SNX8: variants seen among roughly 807,000 people sequenced by gnomAD.
The protein encoded by SNX8 is sorting nexin-8.
In SNX8, 25 loss-of-function variants were observed where a neutral mutation model predicts 51.6. The observed-to-expected ratio is 0.48, with a 90% CI of 0.35 to 0.68. The LOEUF is 0.68. SNX8 is among the 30% of genes least tolerant of loss of function. The pLI is 0.00. For synonymous variants in SNX8, 324 were observed against 277.0 expected, an observed-to-expected ratio of 1.17 and a Z score of -1.68; for missense variants, 695 against 624.0, an observed-to-expected ratio of 1.11 and a Z score of -1.21.
At chr7:2,266,977 G>A (rs549564905) in intron 5 of SNX8, among the ~76,000 whole-genome samples, 4 of 152,336 alleles carry the variant, frequency 2.6e-5, no homozygotes, top group East Asian at 3.9e-4. Context: ...ACAAGCATCC[G>A]TCTGTCTGAG....
At chr7:2,322,648 C>T (rs1242999084) in intron 1 of SNX8, among the ~76,000 whole-genome samples, 1 of 151,516 alleles carries the variant, frequency 6.6e-6, no homozygotes, top group African/African-American at 2.4e-5. Flanking sequence ...GAGCCATAAT[C>T]GCGCCACTGC....
intron 9 of SNX8, 72 bp from the exon 10 acceptor site, chr7:2,257,095 G>GTGCT: frequency 6.7e-7 from 1 of 1,483,572 alleles, no homozygotes; most frequent in Non-Finnish European, 9.0e-7. Context: ...GAACACCAGC[G>GTGCT]TGCTCCCTGA....
At chr7:2,318,377 C>A (rs1198929105), upstream of SNX8, among the ~76,000 whole-genome samples, 1 of 151,680 alleles carries the variant, frequency 6.6e-6, no homozygotes, top group Non-Finnish European at 1.5e-5. Context: ...ATGAGGAAAC[C>A]ACTACAGTCT....
At chr7:2,290,639 G>T (rs1205335723) in intron 1 of SNX8, among the ~76,000 whole-genome samples, 1 of 152,136 alleles carries the variant, frequency 6.6e-6, no homozygotes, top group African/African-American at 2.4e-5. Flanking sequence ...GGGCCAGGAG[G>T]GTGGCCGAGG....
intron 4 of SNX8, 59 bp downstream of exon 4, chr7:2,271,791 G>T: frequency 6.5e-7 from 1 of 1,542,746 alleles, no homozygotes. Flanking sequence ...AGGAAAAGGC[G>T]GGTCCGGAGG....
chr7:2,327,722 T>C (rs1778650815), intron 1 of SNX8, among the ~76,000 whole-genome samples: 1 of 151,166 alleles, frequency 6.6e-6, no homozygotes, highest in Non-Finnish European at 1.5e-5. Context: ...TTTTGTATTT[T>C]AAGTAGAGAC....
intron 1 of SNX8, among the ~76,000 whole-genome samples, chr7:2,328,872 T>A (rs1778676237): frequency 6.6e-6 from 1 of 151,812 alleles, no homozygotes; most frequent in South Asian, 2.1e-4. Context: ...GATCACAAGG[T>A]CAGGAGATCG....
In SNX8 at chr7:2,269,603, C is replaced by G. The variant is rs191842340; in HGVS notation, c.577G>C (p.Val193Leu). 1.9e-6 allele frequency: 3 copies of G among 1,601,880 alleles called. No individual in the cohort carries two copies. The highest frequency in any genetic ancestry group is 1.7e-6 in the Non-Finnish European group (2 of 1,174,488). The change falls in exon 5 of 11, where the codon GTC becomes CTC. Residue 193 changes from valine to leucine, a missense_variant. Val to Leu is a conservative substitution (Grantham distance 32). Transcript: ENST00000222990. ...QNKLKESAQC[V>L]GDEFLNCKLA... ...TTACAGTTCAGGAATTCGTCCCCGA[C>G]GCACTGTGCTGACTCCTTTAACTTG...
In SNX8 at chr7:2,254,138, C is replaced by G. The variant is rs909398316; in HGVS notation, c.*918G>C. The G allele has an allele frequency of 5.2e-5, 8 of 152,580 alleles. No homozygotes were observed. Among genetic ancestry groups the G allele is most frequent in the African/African-American group, 1.9e-4 (8 of 41,560 alleles). 9.5% of individuals were successfully genotyped at this position (152,580 alleles called of 1,614,324 possible). ...GGTGGCTGGGCCGGCAAGTGCGTGACGGGAGGCTGGGAGGAGGGCTCTAGG... is the reference window on the plus strand; with the variant it reads ...GGTGGCTGGGCCGGCAAGTGCGTGAGGGGAGGCTGGGAGGAGGGCTCTAGG... On this transcript the variant is annotated 3_prime_UTR_variant, in exon 11 of 11. Coordinates refer to ENST00000222990, the MANE Select transcript of SNX8 (RefSeq NM_013321.4).
chr7:2,278,139 G>C lies in SNX8; in HGVS notation c.261C>G (p.Gly87=), dbSNP rs769427603. The change falls in exon 2 of 11, where the codon GGC becomes GGG. Residue 87 remains glycine, a synonymous_variant. Coordinates refer to ENST00000222990, the MANE Select transcript of SNX8 (RefSeq NM_013321.4). ...CATACTCCACATGCTTCAGGAAGAG[G>C]CCCTTCTTCTCCGGAATGAGCTCCA... ...VQVELIPEKK[G]LFLKHVEYEV... 6.2e-7 allele frequency: 1 copy of C among 1,614,132 alleles called. No homozygotes were observed. The highest frequency in any genetic ancestry group is 8.5e-7 in the Non-Finnish European group (1 of 1,180,014).
rs370080830 is a variant in SNX8 at position 2,264,348 on chromosome 7, C to T, written c.732G>A (p.Ser244=). 4.3e-6 allele frequency: 7 copies of T among 1,613,060 alleles called. No homozygotes were observed. Among genetic ancestry groups the T allele is most frequent in the South Asian group, 1.1e-5 (1 of 91,084 alleles). ...GATCTGCCGCATTGTCGATGGCCCG[C>T]GATGCGATCCGCTCGGCCCTGTCGC... ...KLRDRAERIA[S]RAIDNAADLL... The change falls in exon 6 of 11, where the codon TCG becomes TCA. Residue 244 remains serine (S), a synonymous_variant. Coordinates refer to ENST00000222990, the MANE Select transcript of SNX8 (RefSeq NM_013321.4).
At chr7:2,351,918 T>TC (rs796831486) in intron 1 of SNX8, among the ~76,000 whole-genome samples, 2 of 147,034 alleles carry the variant, frequency 1.4e-5, no homozygotes, top group Admixed American at 1.3e-4. Flanking sequence ...TTTTTTTTTT[T>TC]TTTTTTTTGA....
At chr7:2,336,648 C>A (rs1778835964) in intron 1 of SNX8, among the ~76,000 whole-genome samples, 1 of 151,956 alleles carries the variant, frequency 6.6e-6, no homozygotes, top group Non-Finnish European at 1.5e-5. Context: ...GCGGAGGTTG[C>A]AGTGAGCCGA....
At position 2,254,960 on chromosome 7, in the gene SNX8, G is replaced by A. The variant is rs1445722847; in HGVS notation, c.*96C>T. 3.5e-6 allele frequency: 3 copies of A among 851,022 alleles called. No individual in the cohort carries two copies. Among genetic ancestry groups the A allele is most frequent in the Non-Finnish European group, 5.8e-6 (3 of 521,058 alleles). The allele number at this position is 851,022 out of a possible 1,614,324, so 52.7% of individuals were successfully genotyped here. On this transcript the variant is annotated 3_prime_UTR_variant, in exon 11 of 11. Coordinates refer to ENST00000222990, the MANE Select transcript of SNX8 (RefSeq NM_013321.4). ...CAGCTGCAGCACGGGGCGTGGCGGG[G>A]AGGGGAGCTGCCGTCCAAAGGGAAT...
chr7:2,334,869 G>GAAAA (rs71023399), intron 1 of SNX8, among the ~76,000 whole-genome samples: 4 of 80,112 alleles, frequency 5.0e-5, no homozygotes, highest in African/African-American at 1.1e-4. Flanking sequence ...GCCCATCTCT[G>GAAAA]AAAAAAAAAA....
At chr7:2,318,107 C>T (rs1796783598), upstream of SNX8, among the ~76,000 whole-genome samples, 1 of 152,026 alleles carries the variant, frequency 6.6e-6, no homozygotes, top group African/African-American at 2.4e-5. Flanking sequence ...CTGTAGCTGC[C>T]CAATCATAGC....
intron 7 of SNX8, among the ~76,000 whole-genome samples, chr7:2,262,577 T>G (rs1257424003): frequency 6.6e-6 from 1 of 152,134 alleles, no homozygotes; most frequent in African/African-American, 2.4e-5. Flanking sequence ...CAAATCCTAG[T>G]GGACTCAGAC....
At position 2,264,329 on chromosome 7, in the gene SNX8, C is replaced by T. The variant is rs753488416; in HGVS notation, c.751G>A (p.Ala251Thr). The change falls in exon 6 of 11, where the codon GCA becomes ACA. Residue 251 changes from alanine to threonine, a missense_variant. Transcript: ENST00000222990. ...TCCTTCCCGAATATGAGAAGATCTG[C>T]CGCATTGTCGATGGCCCGCGATGCG... ...RIASRAIDNA[A>T]DLLIFGKELS... The T allele has an allele frequency of 1.2e-5, 19 of 1,612,552 alleles. No homozygotes were observed. Among genetic ancestry groups the T allele is most frequent in the East Asian group, 2.2e-5 (1 of 44,874 alleles).
chr7:2,329,097 A>C (rs1259881748), intron 1 of SNX8, among the ~76,000 whole-genome samples: 2 of 149,270 alleles, frequency 1.3e-5, no homozygotes, highest in Non-Finnish European at 3.0e-5. Context: ...AAAAAAAAAA[A>C]ACAAAACATA....
Sources: allele counts gnomAD v4.1 joint callset (sites outside exome capture counted in the v4.1 genomes callset), GRCh38; gene constraint gnomAD v4.1.1; transcripts MANE v1.5; gene names NCBI Gene and HGNC (gene_info 2026-07-23, HGNC 2026-07-21).